The following PITPNC1 variants were observed in gnomAD, a reference collection of about 807,000 sequenced individuals.
PITPNC1 encodes the protein phosphatidylinositol transfer protein cytoplasmic 1, also known as cytoplasmic phosphatidylinositol transfer protein 1.
Under a neutral mutation model 44.7 loss-of-function variants are expected in PITPNC1, and 18 were observed. The observed-to-expected ratio is 0.40, with a 90% CI of 0.28 to 0.60. PITPNC1 has a LOEUF of 0.60. Ranked by LOEUF, PITPNC1 falls within the 20% of genes least tolerant of loss-of-function variation. The pLI is 0.39. For missense variants in PITPNC1, 290 were observed against 418.4 expected (o/e 0.69, Z 2.68); for synonymous variants, 141 against 149.6 (o/e 0.94, Z 0.42).
intron 1 of PITPNC1, among the ~76,000 whole-genome samples, chr17:67,432,744 C>T (rs935407760): frequency 6.6e-6 from 1 of 152,316 alleles, no homozygotes; most frequent in East Asian, 1.9e-4. Context: ...ATGACTTTCC[C>T]TGTCTCGATT....
At chr17:67,523,710 C>T (rs73351642) in intron 1 of PITPNC1, among the ~76,000 whole-genome samples, 7,246 of 151,974 alleles carry the variant, frequency 0.048, 271 homozygotes, top group East Asian at 0.11. Context: ...TCTCTGGAGG[C>T]CCAGGTAATA....
chr17:67,431,062 CTT>C (rs6146118), intron 1 of PITPNC1, among the ~76,000 whole-genome samples: 10 of 133,028 alleles, frequency 7.5e-5, no homozygotes, highest in Non-Finnish European at 6.3e-5. Context: ...GTTACTGTTT[CTT>C]TTTTTTTTTT....
intron 8 of PITPNC1, among the ~76,000 whole-genome samples, chr17:67,687,818 A>G (rs2042843616): frequency 6.6e-6 from 1 of 152,124 alleles, no homozygotes; most frequent in Admixed American, 6.5e-5. Flanking sequence ...TTCGTTGCAC[A>G]CTGGAAATTG....
At chr17:67,471,898 TATATC>T (rs1245602111) in intron 1 of PITPNC1, among the ~76,000 whole-genome samples, 5 of 152,100 alleles carry the variant, frequency 3.3e-5, no homozygotes, top group African/African-American at 1.2e-4. Flanking sequence ...ACTTAATTAT[TATATC>T]ATAATAGTCA....
chr17:67,619,802 G>T (rs12946326), intron 5 of PITPNC1, among the ~76,000 whole-genome samples: 1 of 151,904 alleles, frequency 6.6e-6, no homozygotes, highest in Non-Finnish European at 1.5e-5. Flanking sequence ...AGGCTTGTGG[G>T]TGTGTGTCAA....
At chr17:67,564,091 TAACA>T (rs2040941742) in intron 4 of PITPNC1, among the ~76,000 whole-genome samples, 1 of 151,774 alleles carries the variant, frequency 6.6e-6, no homozygotes, top group African/African-American at 2.4e-5. Context: ...TGATAGATAT[TAACA>T]GATAGATGGA....
At chr17:67,552,120 TG>T in intron 2 of PITPNC1, 136 bp from the exon 3 acceptor site, 1 of 634,728 alleles carries the variant, frequency 1.6e-6, no homozygotes, top group Non-Finnish European at 2.8e-6. Flanking sequence ...ACCGAAGAGA[TG>T]GGGAAAGGGC....
intron 1 of PITPNC1, among the ~76,000 whole-genome samples, chr17:67,488,527 C>T (rs778316210): frequency 2.6e-4 from 39 of 152,172 alleles, no homozygotes; most frequent in Non-Finnish European, 4.9e-4. Flanking sequence ...CCTGAGCGAA[C>T]GAAGGAAGGG....
At chr17:67,419,990 C>G (rs973546731) in intron 1 of PITPNC1, among the ~76,000 whole-genome samples, 1 of 152,052 alleles carries the variant, frequency 6.6e-6, no homozygotes, top group East Asian at 1.9e-4. Flanking sequence ...TCTATCCATC[C>G]GTAAAGCACA....
chr17:67,410,065 T>C (rs2038470976), intron 1 of PITPNC1, among the ~76,000 whole-genome samples: 1 of 152,234 alleles, frequency 6.6e-6, no homozygotes, highest in Admixed American at 6.5e-5. Flanking sequence ...GTCATACTTA[T>C]GCTTCTATCA....
At chr17:67,643,635 C>G (rs74550417) in intron 6 of PITPNC1, among the ~76,000 whole-genome samples, 3,389 of 152,294 alleles carry the variant, frequency 0.022, 129 homozygotes, top group African/African-American at 0.076. Flanking sequence ...CTGGGAGCCT[C>G]CCAGGCGGTC....
intron 1 of PITPNC1, among the ~76,000 whole-genome samples, chr17:67,479,046 C>A (rs1299004931): frequency 6.6e-6 from 1 of 152,098 alleles, no homozygotes; most frequent in East Asian, 1.9e-4. Context: ...TTCACCAGAG[C>A]CTCACAAAGA....
chr17:67,491,299 T>C (rs1004962267), intron 1 of PITPNC1, among the ~76,000 whole-genome samples: 5 of 152,218 alleles, frequency 3.3e-5, no homozygotes, highest in Non-Finnish European at 7.4e-5. Flanking sequence ...CCGTGCGTGA[T>C]GTAACCCAGA....
chr17:67,621,127 T>C (rs992627736), intron 5 of PITPNC1, among the ~76,000 whole-genome samples: 1 of 152,106 alleles, frequency 6.6e-6, no homozygotes. Context: ...TGGACCTATA[T>C]TGAGTTCCCT....
At chr17:67,623,510 G>T (rs906670056) in intron 5 of PITPNC1, among the ~76,000 whole-genome samples, 1 of 152,020 alleles carries the variant, frequency 6.6e-6, no homozygotes, top group South Asian at 2.1e-4. Context: ...GAGCCTTCCC[G>T]AGCAGCTGGG....
intron 6 of PITPNC1, among the ~76,000 whole-genome samples, chr17:67,652,118 C>A (rs1228141436): frequency 6.6e-6 from 1 of 152,192 alleles, no homozygotes; most frequent in East Asian, 1.9e-4. Flanking sequence ...AAAAACTTCT[C>A]ATTTCAATTA....
At chr17:67,494,051 G>C (rs946831773) in intron 1 of PITPNC1, among the ~76,000 whole-genome samples, 86 of 152,274 alleles carry the variant, frequency 5.6e-4, no homozygotes, top group African/African-American at 1.9e-3. Context: ...TGTCCTTGCG[G>C]AGCTGACCTT....
intron 5 of PITPNC1, among the ~76,000 whole-genome samples, chr17:67,607,877 C>T (rs553713439): frequency 2.1e-4 from 32 of 151,960 alleles, no homozygotes; most frequent in East Asian, 1.4e-3. Context: ...TATAGGCGCC[C>T]GCCACCATGC....
intron 1 of PITPNC1, among the ~76,000 whole-genome samples, chr17:67,474,710 G>T (rs1474479297): frequency 2.0e-5 from 3 of 152,106 alleles, no homozygotes; most frequent in Non-Finnish European, 4.4e-5. Flanking sequence ...CTGGAGTGCA[G>T]TGGCATGATC....
Sources: gnomAD v4.1 joint callset for allele counts (sites outside exome capture counted in the v4.1 genomes callset) on GRCh38, gnomAD v4.1.1 for gene constraint, MANE v1.5 for transcripts, NCBI Gene and HGNC (gene_info 2026-07-23, HGNC 2026-07-21) for gene names.